ANKUB1: variants seen among roughly 807,000 people sequenced by gnomAD.
ANKUB1 encodes protein ANKUB1.
Under a neutral mutation model 49.3 loss-of-function variants are expected in ANKUB1, and 42 were observed. That is an observed-to-expected ratio of 0.85 (90% CI 0.67 to 1.10). ANKUB1 has a LOEUF of 1.10. ANKUB1 is among the 50% of genes least tolerant of loss of function. The pLI, the probability that ANKUB1 is intolerant of heterozygous loss-of-function variation, is 0.00. For synonymous variants in ANKUB1, 222 were observed against 231.0 expected (o/e 0.96, Z 0.35); for missense variants, 613 against 642.0 (o/e 0.95, Z 0.49).
intron 2 of ANKUB1, among the ~76,000 whole-genome samples, chr3:149,782,481 A>G (rs1373613602): frequency 6.6e-6 from 1 of 152,188 alleles, no homozygotes; most frequent in East Asian, 1.9e-4. Flanking sequence ...ATCTATAAAG[A>G]TAAGCATGTA....
intron 1 of ANKUB1, 101 bp downstream of exon 1, chr3:149,792,176 G>T: frequency 1.4e-6 from 1 of 735,326 alleles, no homozygotes; most frequent in Non-Finnish European, 1.9e-6. Flanking sequence ...CCTGTTTGCT[G>T]AAAATGTACC....
At chr3:149,766,779 C>T in intron 5 of ANKUB1, 1 of 1,051,466 alleles carries the variant, frequency 9.5e-7, no homozygotes, top group South Asian at 1.4e-5. Flanking sequence ...GCCTGAGCAA[C>T]AGAACGAGAC....
At chr3:149,789,072 C>A (rs1378288854) in intron 2 of ANKUB1, among the ~76,000 whole-genome samples, 1 of 152,046 alleles carries the variant, frequency 6.6e-6, no homozygotes, top group Non-Finnish European at 1.5e-5. Flanking sequence ...CCACACCTGG[C>A]CAGGATACTT....
At chr3:149,765,361 A>G (rs1348737114) in intron 5 of ANKUB1, among the ~76,000 whole-genome samples, 1 of 152,198 alleles carries the variant, frequency 6.6e-6, no homozygotes, top group Non-Finnish European at 1.5e-5. Context: ...GGTGCTGGAA[A>G]TAGTTTGCAT....
chr3:149,761,465 C>CTT lies in ANKUB1; in HGVS notation c.*18_*19insAA. 1 of 1,550,938 alleles carries CTT rather than the reference C, an allele frequency of 6.4e-7. No homozygotes were observed. Among genetic ancestry groups the CTT allele is most frequent in the Non-Finnish European group, 8.7e-7 (1 of 1,146,436 alleles). On this transcript the variant is annotated 3_prime_UTR_variant, in exon 6 of 6. Coordinates refer to ENST00000446160, the MANE Select transcript of ANKUB1 (RefSeq NM_001144960.3). ...CTGTTTGATCAGGTCTTTGTCCAAA[C>CTT]TGAAGTTGTCATGACTTTTCAAAGC...
At chr3:149,771,566 T>G (rs1717362440) in intron 3 of ANKUB1, among the ~76,000 whole-genome samples, 1 of 152,238 alleles carries the variant, frequency 6.6e-6, no homozygotes, top group Non-Finnish European at 1.5e-5. Context: ...CCTCCTCACC[T>G]TCATTACTTT....
chr3:149,765,550 A>G (rs1716976267), intron 5 of ANKUB1, among the ~76,000 whole-genome samples: 1 of 150,312 alleles, frequency 6.7e-6, no homozygotes, highest in African/African-American at 2.4e-5. Context: ...ACACACATGC[A>G]CACACACACA....
chr3:149,790,422 G>A lies in ANKUB1; in HGVS notation c.234+359C>T, dbSNP rs1718309001. Among the ~76,000 whole-genome samples, 5 of 152,224 alleles carry A rather than the reference G, an allele frequency of 3.3e-5. No homozygotes were observed. The South Asian group carries it at 1.0e-3, about 32-fold the overall frequency. ...CTTCTCCTTCCTCATTCCACTGCCAGTAATCACTGTGGCCCCACCAAAGTG... is the reference window on the plus strand; with the variant it reads ...CTTCTCCTTCCTCATTCCACTGCCAATAATCACTGTGGCCCCACCAAAGTG... On this transcript the variant is annotated intron_variant, in intron 2 of 5. Coordinates refer to ENST00000446160, the MANE Select transcript of ANKUB1 (RefSeq NM_001144960.3).
intron 2 of ANKUB1, among the ~76,000 whole-genome samples, chr3:149,789,302 T>C (rs1032857666): frequency 6.6e-6 from 1 of 152,260 alleles, no homozygotes; most frequent in South Asian, 2.1e-4. Flanking sequence ...CACTACCATC[T>C]CTAAGCAAGC....
chr3:149,767,101 C>A, intron 5 of ANKUB1, 56 bp downstream of exon 5: 1 of 1,420,944 alleles, frequency 7.0e-7, no homozygotes, highest in Non-Finnish European at 9.4e-7. Context: ...CATTCCTTAT[C>A]CTGGACCTGC....
At chr3:149,772,627 G>A (rs111748586) in intron 3 of ANKUB1, among the ~76,000 whole-genome samples, 19 of 152,182 alleles carry the variant, frequency 1.2e-4, no homozygotes, top group African/African-American at 4.6e-4. Context: ...CTTAACCTCT[G>A]CTTAAAATGA....
intron 3 of ANKUB1, among the ~76,000 whole-genome samples, chr3:149,771,468 A>C (rs982531384): frequency 2.6e-5 from 4 of 152,248 alleles, no homozygotes; most frequent in Non-Finnish European, 5.9e-5. Context: ...TTTTGATTGA[A>C]AGGATCTTCA....
chr3:149,788,404 A>G (rs1042675731), intron 2 of ANKUB1, among the ~76,000 whole-genome samples: 9 of 150,012 alleles, frequency 6.0e-5, no homozygotes, highest in African/African-American at 2.0e-4. Flanking sequence ...TTTTTTTGAG[A>G]CAGGGTCTCA....
Position 149,769,162 on chromosome 3 carries a change from T to C in ANKUB1, c.567-1067A>G, listed in dbSNP as rs1183919812. On this transcript the variant is annotated intron_variant, in intron 4 of 5. Coordinates refer to ENST00000446160, the MANE Select transcript of ANKUB1 (RefSeq NM_001144960.3). The stretch of plus-strand genomic sequence containing the variant: ...CCTCAGACCTCCTGGTGTGTTGGCT[T>C]CTGCAAAACATGATTAAATCACCCA... Among the ~76,000 whole-genome samples the C allele has an allele frequency of 4.6e-5, 7 of 152,184 alleles. No homozygotes were observed. In the East Asian group the frequency reaches 1.3e-3, roughly 29 times the overall value.
chr3:149,774,539 G>A (rs530741675), intron 3 of ANKUB1, among the ~76,000 whole-genome samples: 7 of 152,280 alleles, frequency 4.6e-5, no homozygotes, highest in Admixed American at 3.9e-4. Flanking sequence ...GCTCTCTCTA[G>A]CCCTCCTGCC....
At chr3:149,782,258 T>A (rs13322158) in intron 2 of ANKUB1, among the ~76,000 whole-genome samples, 2 of 151,178 alleles carry the variant, frequency 1.3e-5, no homozygotes, top group Non-Finnish European at 1.5e-5. Flanking sequence ...AGTCACTCTT[T>A]AAAAAAAAAA....
Position 149,767,273 on chromosome 3 carries a change from C to T in ANKUB1, c.1389G>A (p.Ser463=), listed in dbSNP as rs1717069272. The change falls in exon 5 of 6, where the codon TCG becomes TCA. Residue 463 remains serine, a synonymous_variant. Coordinates refer to ENST00000446160, the MANE Select transcript of ANKUB1 (RefSeq NM_001144960.3). ...CAGCACTGGGTGTTGCATAGAAAAACGATGGATGTGAATATCCCACTCTTG... is the reference window on the plus strand; with the variant it reads ...CAGCACTGGGTGTTGCATAGAAAAATGATGGATGTGAATATCCCACTCTTG... ...PVSRVGYSHP[S]FFYATPSADF... 6 of 1,551,590 alleles carry T rather than the reference C, an allele frequency of 3.9e-6. No homozygotes were observed. The highest frequency in any genetic ancestry group is 1.7e-4 in the Middle Eastern group (1 of 5,992).
At chr3:149,763,512 TA>T (rs1716862150) in intron 5 of ANKUB1, among the ~76,000 whole-genome samples, 4 of 152,238 alleles carry the variant, frequency 2.6e-5, no homozygotes, top group Admixed American at 2.6e-4. Context: ...GCTGTACTTG[TA>T]TCCAGAGTAC....
At chr3:149,781,106 G>GCC in intron 2 of ANKUB1, among the ~76,000 whole-genome samples, 1 of 150,996 alleles carries the variant, frequency 6.6e-6, no homozygotes, top group African/African-American at 2.4e-5. Context: ...GATTACAGGC[G>GCC]CGAGCCACTG....
Sources: gnomAD v4.1 joint callset for allele counts (sites outside exome capture counted in the v4.1 genomes callset) on GRCh38, gnomAD v4.1.1 for gene constraint, MANE v1.5 for transcripts, NCBI Gene and HGNC (gene_info 2026-07-23, HGNC 2026-07-21) for gene names.